The following ADGRV1 variants were observed in gnomAD, a reference collection of about 807,000 sequenced individuals.
ADGRV1 encodes adhesion G protein-coupled receptor V1, also known as G-protein coupled receptor 98.
A neutral mutation model predicts 596.2 loss-of-function variants in ADGRV1; 359 were observed. That is an observed-to-expected ratio of 0.60 (90% CI 0.55 to 0.66). The LOEUF is 0.66. Ranked by LOEUF, ADGRV1 falls within the 30% of genes least tolerant of loss-of-function variation. ADGRV1 has a pLI of 0.00. For missense variants in ADGRV1, 7,274 were observed against 7,575.6 expected (o/e 0.96, Z 1.48); for synonymous variants, 2,681 against 2,679.2 (o/e 1.00, Z -0.02).
At chr5:90,928,154 A>T in intron 83 of ADGRV1, among the ~76,000 whole-genome samples, 1 of 151,928 alleles carries the variant, frequency 6.6e-6, no homozygotes, top group East Asian at 1.9e-4. Context: ...CATTCTCTGT[A>T]TTTCCTGAAT....
At chr5:90,624,916 C>T (rs1290410553) in intron 5 of ADGRV1, among the ~76,000 whole-genome samples, 3 of 151,716 alleles carry the variant, frequency 2.0e-5, no homozygotes, top group African/African-American at 4.8e-5. Context: ...AAAAACAGCT[C>T]GTAGAAACCA....
At chr5:90,996,519 A>G (rs1352906204) in intron 85 of ADGRV1, among the ~76,000 whole-genome samples, 2 of 152,208 alleles carry the variant, frequency 1.3e-5, no homozygotes, top group South Asian at 2.1e-4. Flanking sequence ...ACAGAAGTCT[A>G]CTGCAGGGGT....
At chr5:90,617,345 T>C (rs935795407) in intron 2 of ADGRV1, 1 of 152,006 alleles carries the variant, frequency 6.6e-6, no homozygotes, top group Non-Finnish European at 1.5e-5. Context: ...AGTCTTGCAC[T>C]GTCATTCAGG....
chr5:90,989,721 A>T (rs181314436), intron 85 of ADGRV1, among the ~76,000 whole-genome samples: 61 of 152,210 alleles, frequency 4.0e-4, no homozygotes, highest in Admixed American at 2.1e-3. Context: ...TTTCACACTA[A>T]ACTGCTGAAC....
At chr5:90,944,531 T>A (rs1776416067) in intron 83 of ADGRV1, among the ~76,000 whole-genome samples, 1 of 152,204 alleles carries the variant, frequency 6.6e-6, no homozygotes, top group Non-Finnish European at 1.5e-5. Flanking sequence ...CATTCTGTGT[T>A]ATGTAGTAAA....
chr5:90,868,999 T>TGCGCAA lies in ADGRV1; in HGVS notation c.17856+5142_17856+5143insGCGCAA, dbSNP rs1363708620. Reference sequence around the variant, plus strand: ...CATCTCATCTATCATATGTACAATATTAAGATTGCGCAATGAGAAATACCA... The same window carrying TGCGCAA: ...CATCTCATCTATCATATGTACAATATGCGCAATAAGATTGCGCAATGAGAAATACCA... On this transcript the variant is annotated intron_variant, in intron 83 of 89. Coordinates refer to ENST00000405460, the MANE Select transcript of ADGRV1 (RefSeq NM_032119.4). Among the ~76,000 whole-genome samples, 8 of 152,152 alleles carry TGCGCAA rather than the reference T, an allele frequency of 5.3e-5. No individual in the cohort carries two copies. The East Asian group carries it at 1.5e-3, about 29-fold the overall frequency.
At chr5:90,667,348 C>T (rs990165619) in intron 21 of ADGRV1, among the ~76,000 whole-genome samples, 3 of 145,312 alleles carry the variant, frequency 2.1e-5, no homozygotes, top group Admixed American at 1.4e-4. Context: ...CTTCTCGCTT[C>T]ATTTCATTCA....
chr5:90,836,869 C>T (rs961858986), intron 77 of ADGRV1, among the ~76,000 whole-genome samples: 1 of 152,088 alleles, frequency 6.6e-6, no homozygotes. Flanking sequence ...TGCTTAATTG[C>T]CCTTGTGTTG....
chr5:91,073,418 C>T (rs1788561218), intron 86 of ADGRV1, among the ~76,000 whole-genome samples: 1 of 152,110 alleles, frequency 6.6e-6, no homozygotes, highest in African/African-American at 2.4e-5. Context: ...GAATTCCTCA[C>T]GTTTTAAGTG....
chr5:90,716,497 G>A lies in ADGRV1; in HGVS notation c.9215G>A (p.Gly3072Asp). The A allele has an allele frequency of 6.2e-7, 1 of 1,603,230 alleles. No homozygotes were observed. Among genetic ancestry groups the A allele is most frequent in the South Asian group, 1.1e-5 (1 of 88,708 alleles). ...ATTATTGTCCTTGCTAATGATGACGGCCCTGGAGTTCTATCATTTAACAAC... is the reference window on the plus strand; with the variant it reads ...ATTATTGTCCTTGCTAATGATGACGACCCTGGAGTTCTATCATTTAACAAC... ...ALIIVLANDDGPGVLSFNNSE... is the reference protein window; with the variant it reads ...ALIIVLANDDDPGVLSFNNSE... Residue 3072 changes from glycine (G) to aspartate (D), a missense_variant, in exon 43 of 90, where the codon GGC becomes GAC. Gly to Asp is a moderately conservative substitution (Grantham distance 94). This residue lies in a region of ADGRV1 where 3,643 missense variants were observed against 3,809.2 expected (regional missense o/e 0.96). Coordinates refer to ENST00000405460, the MANE Select transcript of ADGRV1 (RefSeq NM_032119.4).
chr5:90,616,246 G>A (rs1036095061), intron 2 of ADGRV1, among the ~76,000 whole-genome samples: 2 of 151,856 alleles, frequency 1.3e-5, no homozygotes, highest in Non-Finnish European at 2.9e-5. Flanking sequence ...TTTTCTAGTA[G>A]CTTAATTACT....
At chr5:90,992,234 G>A (rs891006952) in intron 85 of ADGRV1, among the ~76,000 whole-genome samples, 25 of 152,134 alleles carry the variant, frequency 1.6e-4, no homozygotes, top group African/African-American at 4.6e-4. Flanking sequence ...TTATTCAAAG[G>A]CCTGTTAACT....
rs1767951903 is a variant in ADGRV1 at position 90,647,483 on chromosome 5, T to A, written c.3023-15T>A. 6.3e-7 allele frequency: 1 copy of A among 1,593,256 alleles called. No homozygotes were observed. The highest frequency in any genetic ancestry group is 8.5e-7 in the Non-Finnish European group (1 of 1,170,286). ...TCAGAAAAGCTCATGTGTTCTTTCT[T>A]TGTGGATATTTCAGAACCTCGTGTA... On this transcript the variant is annotated splice_polypyrimidine_tract_variant and intron_variant, in intron 16 of 89. Coordinates refer to ENST00000405460, the MANE Select transcript of ADGRV1 (RefSeq NM_032119.4).
intron 83 of ADGRV1, among the ~76,000 whole-genome samples, chr5:90,884,285 C>T (rs1219639598): frequency 3.3e-5 from 5 of 152,126 alleles, no homozygotes; most frequent in African/African-American, 7.2e-5. Context: ...CATTACCAAA[C>T]GTCCCCTGGA....
At chr5:90,722,303 A>G (rs1462057396) in intron 45 of ADGRV1, among the ~76,000 whole-genome samples, 1 of 152,146 alleles carries the variant, frequency 6.6e-6, no homozygotes, top group East Asian at 1.9e-4. Context: ...ATTCATTAAG[A>G]TGGAATTCCA....
chr5:90,886,910 G>A (rs566202116), intron 83 of ADGRV1, among the ~76,000 whole-genome samples: 5 of 151,928 alleles, frequency 3.3e-5, no homozygotes, highest in East Asian at 3.9e-4. Flanking sequence ...CCTTTTTTCC[G>A]AATCCATCTA....
At chr5:91,065,534 C>G (rs1255401757) in intron 85 of ADGRV1, among the ~76,000 whole-genome samples, 1 of 152,188 alleles carries the variant, frequency 6.6e-6, no homozygotes, top group African/African-American at 2.4e-5. Flanking sequence ...AGGGAGTTCC[C>G]AGCATCCATT....
At chr5:90,652,908 C>T (rs895697941) in intron 19 of ADGRV1, among the ~76,000 whole-genome samples, 7 of 152,110 alleles carry the variant, frequency 4.6e-5, no homozygotes, top group Non-Finnish European at 1.5e-5. Flanking sequence ...ATCTTTGTGT[C>T]ATAATTTAAG....
chr5:90,604,971 A>G (rs1761894813), intron 1 of ADGRV1, among the ~76,000 whole-genome samples: 1 of 152,160 alleles, frequency 6.6e-6, no homozygotes, highest in South Asian at 2.1e-4. Context: ...GCTTCTCTAC[A>G]CTGTTCTTCC....
Sources: allele counts gnomAD v4.1 joint callset (sites outside exome capture counted in the v4.1 genomes callset), GRCh38; gene constraint gnomAD v4.1.1; regional missense constraint gnomAD v4.1.1; transcripts MANE v1.5; gene names NCBI Gene and HGNC (gene_info 2026-07-23, HGNC 2026-07-21).